The following GNG7 variants were observed in gnomAD, a reference collection of about 807,000 sequenced individuals.
The protein encoded by GNG7 is G protein subunit gamma 7.
Under a neutral mutation model 4.0 loss-of-function variants are expected in GNG7, and 1 was observed. The ratio of observed to expected loss-of-function variants is 0.25; its 90% CI spans 0.09 to 1.18. The LOEUF is 1.18. GNG7 is among the 50% of genes most tolerant of loss of function. GNG7 has a pLI of 0.50. For synonymous variants in GNG7, 34 were observed against 36.9 expected (o/e 0.92, Z 0.29); for missense variants, 86 against 91.9 (o/e 0.94, Z 0.26).
chr19:2,676,374 C>A (rs1010678142), intron 1 of GNG7, among the ~76,000 whole-genome samples: 1 of 152,124 alleles, frequency 6.6e-6, no homozygotes, highest in Non-Finnish European at 1.5e-5. Flanking sequence ...CGTGAACATG[C>A]ACAGCCCCCA....
At chr19:2,544,916 T>A (rs1283279223) in intron 3 of GNG7, among the ~76,000 whole-genome samples, 1 of 152,062 alleles carries the variant, frequency 6.6e-6, no homozygotes, top group Non-Finnish European at 1.5e-5. Context: ...GAGTTAATTA[T>A]TTGGGGAAAA....
At chr19:2,646,752 T>C (rs986924275) in intron 1 of GNG7, among the ~76,000 whole-genome samples, 1 of 152,072 alleles carries the variant, frequency 6.6e-6, no homozygotes, top group Non-Finnish European at 1.5e-5. Context: ...TTATTAGAGA[T>C]TTATGACGTT....
intron 2 of GNG7, among the ~76,000 whole-genome samples, chr19:2,580,051 C>A (rs952263485): frequency 6.6e-6 from 1 of 152,120 alleles, no homozygotes; most frequent in African/African-American, 2.4e-5. Context: ...TTGCACCCCC[C>A]CAGTGCCATC....
chr19:2,641,412 G>A (rs549676135), intron 2 of GNG7, among the ~76,000 whole-genome samples: 22 of 152,150 alleles, frequency 1.4e-4, no homozygotes, highest in Non-Finnish European at 2.5e-4. Context: ...GTGATCTGGG[G>A]GCCCCAATGT....
chr19:2,591,729 T>G (rs1980856057), intron 2 of GNG7, among the ~76,000 whole-genome samples: 1 of 152,144 alleles, frequency 6.6e-6, no homozygotes, highest in South Asian at 2.1e-4. Flanking sequence ...GCCTGTCATA[T>G]GTAAAGAGCA....
At chr19:2,660,242 C>T (rs2144877456) in intron 1 of GNG7, among the ~76,000 whole-genome samples, 2 of 152,316 alleles carry the variant, frequency 1.3e-5, no homozygotes, top group Non-Finnish European at 2.9e-5. Context: ...TGGGAGATAA[C>T]ACATCTTCAT....
chr19:2,695,663 C>T (rs10402849), intron 1 of GNG7, among the ~76,000 whole-genome samples: 33,867 of 151,722 alleles, frequency 0.22, 4,346 homozygotes, highest in East Asian at 0.55. Context: ...CCCTGAAGAC[C>T]CCATGAGGAA....
chr19:2,644,327 TTATATATATATATATATATATA>T (rs56143197), intron 2 of GNG7, among the ~76,000 whole-genome samples: 1,189 of 114,472 alleles, frequency 0.01, 24 homozygotes, highest in African/African-American at 0.013. Context: ...GGCCTACACT[TTATATATATATATATATATATA>T]TATATATATA....
intron 2 of GNG7, among the ~76,000 whole-genome samples, chr19:2,559,507 A>G (rs1599390795): frequency 6.6e-6 from 1 of 150,824 alleles, no homozygotes; most frequent in East Asian, 1.9e-4. Flanking sequence ...ACCCACCACC[A>G]TGTCCGGCTA....
chr19:2,657,347 A>AT (rs1983004851), intron 1 of GNG7, among the ~76,000 whole-genome samples: 1 of 18,694 alleles, frequency 5.3e-5, no homozygotes, highest in Non-Finnish European at 1.3e-4. Flanking sequence ...TAAAAAAAAA[A>AT]AAAAAAAAAA....
intron 2 of GNG7, among the ~76,000 whole-genome samples, chr19:2,571,407 T>C (rs1980141925): frequency 1.3e-5 from 2 of 152,232 alleles, no homozygotes; most frequent in South Asian, 4.1e-4. Flanking sequence ...ATCCTTGTTC[T>C]GATTGCAGAA....
intron 4 of GNG7, among the ~76,000 whole-genome samples, chr19:2,520,391 A>G (rs1260671323): frequency 6.6e-6 from 1 of 152,172 alleles, no homozygotes; most frequent in Non-Finnish European, 1.5e-5. Context: ...AAAGCACGTT[A>G]CATTGCTGCA....
intron 1 of GNG7, chr19:2,701,288 C>T (rs1041072041): frequency 6.6e-6 from 1 of 152,042 alleles, no homozygotes; most frequent in Admixed American, 6.6e-5. Flanking sequence ...TGGATCCTAC[C>T]TGAGACACCT....
At chr19:2,619,960 GA>G (rs201946993) in intron 2 of GNG7, among the ~76,000 whole-genome samples, 5,902 of 151,518 alleles carry the variant, frequency 0.039, 213 homozygotes, top group Admixed American at 0.11. Context: ...TTGGGAGGAC[GA>G]GGGGGGGGCG....
intron 1 of GNG7, among the ~76,000 whole-genome samples, chr19:2,654,898 G>T (rs1039579544): frequency 4.2e-5 from 5 of 119,948 alleles, no homozygotes; most frequent in African/African-American, 1.5e-4. Flanking sequence ...GGGCACCCCC[G>T]AGTTGTGACA....
chr19:2,622,679 G>C (rs1399553291), intron 2 of GNG7, among the ~76,000 whole-genome samples: 1 of 138,570 alleles, frequency 7.2e-6, no homozygotes. Flanking sequence ...CAACGCGGCA[G>C]ATAGGGGGCT....
intron 1 of GNG7, among the ~76,000 whole-genome samples, chr19:2,682,613 A>G (rs1012849921): frequency 7.1e-6 from 1 of 140,288 alleles, no homozygotes; most frequent in Admixed American, 7.5e-5. Context: ...CAGAGATCAC[A>G]CCACTGCACT....
At chr19:2,654,894 C>T (rs2144870645) in intron 1 of GNG7, among the ~76,000 whole-genome samples, 1 of 152,306 alleles carries the variant, frequency 6.6e-6, no homozygotes, top group South Asian at 2.1e-4. Context: ...CCAGGGGCAC[C>T]CCCGAGTTGT....
At chr19:2,576,244 A>AGGC (rs997914912) in intron 2 of GNG7, among the ~76,000 whole-genome samples, 6 of 152,276 alleles carry the variant, frequency 3.9e-5, no homozygotes, top group Non-Finnish European at 1.5e-5. Context: ...GATGACGTGC[A>AGGC]GGCGTGCAGC....
Sources: allele counts gnomAD v4.1 joint callset (sites outside exome capture counted in the v4.1 genomes callset), GRCh38; gene constraint gnomAD v4.1.1; transcripts MANE v1.5; gene names NCBI Gene and HGNC (gene_info 2026-07-23, HGNC 2026-07-21).